Variants in FBLN7 observed in about 807,000 individuals in gnomAD.
FBLN7 encodes fibulin-7.
In FBLN7, 31 loss-of-function variants were observed where a neutral mutation model predicts 44.0. The ratio of observed to expected loss-of-function variants is 0.70; its 90% CI spans 0.53 to 0.95. FBLN7 has a LOEUF of 0.95. Among genes scored for constraint, FBLN7 ranks in the 40% least tolerant of loss-of-function variants. FBLN7 has a pLI of 0.00. For missense variants in FBLN7, 573 were observed against 618.5 expected (o/e 0.93, Z 0.78); for synonymous variants, 262 against 253.4 (o/e 1.03, Z -0.32).
intron 2 of FBLN7, among the ~76,000 whole-genome samples, chr2:112,160,104 C>T (rs996224358): frequency 3.9e-5 from 6 of 152,150 alleles, no homozygotes; most frequent in Admixed American, 6.5e-5. Flanking sequence ...CATTCTCCTG[C>T]CTCAGCCTCC....
the FBLN7 span, chr2:112,234,041 A>G: frequency 8.6e-6 from 7 of 813,730 alleles, no homozygotes; most frequent in Non-Finnish European, 1.3e-5. Context: ...TTAAAAACCT[A>G]AAGGTATGAA....
the FBLN7 span, among the ~76,000 whole-genome samples, chr2:112,207,792 T>C: frequency 2.0e-5 from 3 of 152,258 alleles, no homozygotes; most frequent in African/African-American, 7.2e-5. Flanking sequence ...TTATCTTTGC[T>C]CTGAAGTCTA....
chr2:112,192,362 A>AC (rs1340872215), downstream of FBLN7, among the ~76,000 whole-genome samples: 1 of 152,040 alleles, frequency 6.6e-6, no homozygotes, highest in Non-Finnish European at 1.5e-5. Context: ...CATCTGCCCC[A>AC]CCCACCAAAC....
intron 7 of FBLN7, among the ~76,000 whole-genome samples, chr2:112,186,668 G>A (rs1197875403): frequency 6.6e-6 from 1 of 152,136 alleles, no homozygotes; most frequent in Non-Finnish European, 1.5e-5. Flanking sequence ...ACATGCTGCT[G>A]TGTTTAGGAA....
At chr2:112,244,118 C>T in the FBLN7 span, among the ~76,000 whole-genome samples, 1 of 151,794 alleles carries the variant, frequency 6.6e-6, no homozygotes, top group Admixed American at 6.6e-5. Context: ...AAAAGATTCA[C>T]AATCGCATAG....
chr2:112,173,073 A>G (rs759231906), intron 3 of FBLN7, among the ~76,000 whole-genome samples: 33 of 152,210 alleles, frequency 2.2e-4, no homozygotes, highest in Admixed American at 1.4e-3. Context: ...CAACAAGGAA[A>G]ATAGGTGCAA....
chr2:112,201,552 T>C, the FBLN7 span, among the ~76,000 whole-genome samples: 1 of 152,118 alleles, frequency 6.6e-6, no homozygotes, highest in Non-Finnish European at 1.5e-5. Context: ...GATGTAGGTG[T>C]AGGACACATC....
Position 112,181,893 on chromosome 2 carries a change from C to T in FBLN7, c.670+17C>T. The T allele has an allele frequency of 6.5e-7, 1 of 1,534,322 alleles. No homozygotes were observed. ...TCTGCCAGGGTAGGCGCGGGCTCCG[C>T]CAGGACACTGGGGACAGCACGGGGA... On this transcript the variant is annotated intron_variant, in intron 5 of 7. Coordinates refer to ENST00000331203, the MANE Select transcript of FBLN7 (RefSeq NM_153214.3).
the FBLN7 span, among the ~76,000 whole-genome samples, chr2:112,207,125 AC>A: frequency 4.6e-5 from 7 of 152,176 alleles, no homozygotes; most frequent in Non-Finnish European, 1.0e-4. Context: ...TTATTTTATG[AC>A]CCAAGATATG....
chr2:112,145,120 T>C (rs2104537830), intron 1 of FBLN7, among the ~76,000 whole-genome samples: 1 of 152,316 alleles, frequency 6.6e-6, no homozygotes, highest in East Asian at 1.9e-4. Context: ...GGTTGATTTG[T>C]TTTTCTCCAA....
chr2:112,162,695 A>G (rs1681940315), intron 2 of FBLN7, among the ~76,000 whole-genome samples: 1 of 152,176 alleles, frequency 6.6e-6, no homozygotes, highest in Admixed American at 6.5e-5. Flanking sequence ...GTGACTACAA[A>G]TTGATTTTTA....
chr2:112,234,144 AT>A, the FBLN7 span: 1 of 1,593,500 alleles, frequency 6.3e-7, no homozygotes, highest in Non-Finnish European at 8.5e-7. Context: ...TTTCAAGAAA[AT>A]ATTTACAAAT....
chr2:112,234,177 T>C, the FBLN7 span: 1 of 1,610,558 alleles, frequency 6.2e-7, no homozygotes. Context: ...TGCGTTCCAC[T>C]GTATGTTGGT....
the FBLN7 span, among the ~76,000 whole-genome samples, chr2:112,216,682 G>GA: frequency 2.4e-5 from 2 of 85,046 alleles, no homozygotes; most frequent in African/African-American, 1.1e-4. Flanking sequence ...TAGAACTGAA[G>GA]CAAAAAAAAA....
At chr2:112,202,653 A>G in the FBLN7 span, among the ~76,000 whole-genome samples, 1 of 152,182 alleles carries the variant, frequency 6.6e-6, no homozygotes, top group African/African-American at 2.4e-5. Flanking sequence ...TTTGAAGAGA[A>G]TTTATTCAAG....
chr2:112,148,778 A>T (rs947861266), intron 1 of FBLN7, among the ~76,000 whole-genome samples: 1 of 152,134 alleles, frequency 6.6e-6, no homozygotes, highest in East Asian at 1.9e-4. Flanking sequence ...GGTGGTGGTG[A>T]TGGTGGTTGT....
chr2:112,159,771 C>T lies in FBLN7; in HGVS notation c.171C>T (p.His57=). ...QETRFAEGIR[H]MKSRLAALQN... Reference sequence around the variant, plus strand: ...CACGCTTCGCCGAGGGCATCCGCCACATGAAGAGCCGGCTGGCCGCGCTGC... The same window carrying T: ...CACGCTTCGCCGAGGGCATCCGCCATATGAAGAGCCGGCTGGCCGCGCTGC... Residue 57 remains histidine (H), a synonymous_variant, in exon 2 of 8, where the codon CAC becomes CAT. Transcript: ENST00000331203. The T allele has an allele frequency of 6.2e-7, 1 of 1,603,806 alleles. No individual in the cohort carries two copies. Among genetic ancestry groups the T allele is most frequent in the Non-Finnish European group, 8.5e-7 (1 of 1,175,514 alleles).
At chr2:112,217,095 G>A in the FBLN7 span, among the ~76,000 whole-genome samples, 18 of 152,236 alleles carry the variant, frequency 1.2e-4, no homozygotes, top group East Asian at 1.9e-4. Context: ...CAGACCAGGC[G>A]CGGTGGCTCA....
rs569662326 is a variant in FBLN7 at position 112,182,899 on chromosome 2, G to A, written c.779G>A (p.Arg260Gln). 64 of 1,612,860 alleles carry A rather than the reference G, an allele frequency of 4.0e-5. No homozygotes were observed. Among genetic ancestry groups the A allele is most frequent in the Non-Finnish European group, 4.8e-5 (57 of 1,179,830 alleles). The stretch of plus-strand genomic sequence containing the variant: ...CGTTGCACCTGCCCCGGTGGATACC[G>A]AACTCTGGCTGACGGGAAGAGCTGT... The part of the protein sequence containing the change: ...SYRCTCPGGY[R>Q]TLADGKSCED... Residue 260 changes from arginine (R) to glutamine (Q), a missense_variant, in exon 6 of 8, where the codon CGA (arginine) becomes CAA (glutamine). Physicochemically the swap from Arg to Gln is conservative, Grantham distance 43. Coordinates refer to ENST00000331203, the MANE Select transcript of FBLN7 (RefSeq NM_153214.3).
Sources: allele counts gnomAD v4.1 joint callset (sites outside exome capture counted in the v4.1 genomes callset), GRCh38; gene constraint gnomAD v4.1.1; transcripts MANE v1.5; gene names NCBI Gene and HGNC (gene_info 2026-07-23, HGNC 2026-07-21).